ELP2: variants seen among roughly 807,000 people sequenced by gnomAD.
ELP2 encodes the protein elongator complex protein 2.
In ELP2, 90 loss-of-function variants were observed where a neutral mutation model predicts 119.2. The observed-to-expected ratio is 0.75, with a 90% CI of 0.64 to 0.90. The LOEUF is 0.90. ELP2 is among the 40% of genes least tolerant of loss of function. ELP2 has a pLI of 0.00. For missense variants in ELP2, 921 were observed against 967.8 expected (o/e 0.95, Z 0.64); for synonymous variants, 339 against 331.0 (o/e 1.02, Z -0.26).
intron 2 of ELP2, 97 bp from the exon 3 acceptor site, chr18:36,136,210 A>C (rs2089818274): frequency 1.2e-6 from 1 of 848,360 alleles, no homozygotes; most frequent in African/African-American, 1.7e-5. Context: ...ATCTAGGTAG[A>C]GGGTACAGGG....
chr18:36,142,433 T>A, intron 7 of ELP2, 86 bp downstream of exon 7: 1 of 1,142,446 alleles, frequency 8.8e-7, no homozygotes, highest in Non-Finnish European at 1.3e-6. Flanking sequence ...TTTTAATTTT[T>A]AAGTTTTCTT....
chr18:36,175,770 T>G lies in ELP2; in HGVS notation c.*1129T>G, dbSNP rs2091209596. The G allele has an allele frequency of 6.6e-6, 1 of 152,188 alleles. No individual in the cohort carries two copies. Among genetic ancestry groups the G allele is most frequent in the Non-Finnish European group, 1.5e-5 (1 of 68,086 alleles). 9.4% of individuals were successfully genotyped at this position (152,188 alleles called of 1,614,324 possible). A position where few individuals can be genotyped will look rare whatever the true frequency, so the allele number is the denominator to read the frequency against. Reference sequence around the variant, plus strand: ...ACATGGGAAGTATTGTGAAGGCTGGTGTGAGCAGGGGACTACTCCAGCCCT... The same window carrying G: ...ACATGGGAAGTATTGTGAAGGCTGGGGTGAGCAGGGGACTACTCCAGCCCT... On this transcript the variant is annotated 3_prime_UTR_variant, in exon 22 of 22. Transcript: ENST00000358232.
intron 13 of ELP2, among the ~76,000 whole-genome samples, chr18:36,157,568 G>C (rs546305251): frequency 5.9e-5 from 9 of 152,292 alleles, no homozygotes; most frequent in African/African-American, 2.2e-4. Flanking sequence ...TACACAAAGA[G>C]TGATGAAAAG....
chr18:36,138,591 C>A, intron 4 of ELP2, 165 bp downstream of exon 4: 1 of 936,820 alleles, frequency 1.1e-6, no homozygotes, highest in Non-Finnish European at 1.6e-6. Context: ...TTCTCTATAC[C>A]AAGACTTTTT....
At chr18:36,141,042 A>G (rs978217802) in intron 5 of ELP2, 95 bp from the exon 6 acceptor site, 3 of 1,000,380 alleles carry the variant, frequency 3.0e-6, no homozygotes, top group Admixed American at 1.7e-5. Flanking sequence ...TGAAGTCAGG[A>G]TTCTTTACTT....
At chr18:36,168,762 A>G (rs997150599) in intron 19 of ELP2, among the ~76,000 whole-genome samples, 5 of 152,158 alleles carry the variant, frequency 3.3e-5, no homozygotes, top group African/African-American at 9.7e-5. Flanking sequence ...TGCTACTCTC[A>G]GGGATAGGTC....
chr18:36,167,869 G>A (rs2090954898), intron 19 of ELP2, among the ~76,000 whole-genome samples: 1 of 151,934 alleles, frequency 6.6e-6, no homozygotes, highest in South Asian at 2.1e-4. Flanking sequence ...GTAGAGATGG[G>A]GTCTTGCCAT....
intron 3 of ELP2, 74 bp from the exon 4 acceptor site, chr18:36,138,196 C>A: frequency 6.6e-7 from 1 of 1,505,018 alleles, no homozygotes. Flanking sequence ...ATTTTATTGG[C>A]ACATTTATCC....
intron 19 of ELP2, 115 bp downstream of exon 19, chr18:36,167,337 ATG>A: frequency 1.3e-6 from 1 of 760,842 alleles, no homozygotes; most frequent in Non-Finnish European, 2.0e-6. Context: ...AAAATCAGCT[ATG>A]TATTCCTTTC....
Position 36,154,858 on chromosome 18 carries a change from G to C in ELP2, c.1134G>C (p.Trp378Cys), listed in dbSNP as rs1198192783. Residue 378 changes from tryptophan to cysteine, a missense_variant, in exon 12 of 22, where the codon TGG (tryptophan) becomes TGC (cysteine). Transcript: ENST00000358232. ...GAGCACTTCCATTGCAGAGAGAGTG[G>C]ACTCCAGAGATTGTCATTTCAGGAC... ...WKQNTVNPRE[W>C]TPEIVISGHF... is the part of the protein sequence containing the mutation. 1 of 1,613,984 alleles carries C rather than the reference G, an allele frequency of 6.2e-7. No homozygotes were observed. Among genetic ancestry groups the C allele is most frequent in the African/African-American group, 1.3e-5 (1 of 74,914 alleles).
chr18:36,170,290 C>A, intron 20 of ELP2, 94 bp downstream of exon 20: 2 of 1,435,678 alleles, frequency 1.4e-6, no homozygotes, highest in Non-Finnish European at 1.9e-6. Flanking sequence ...CTCCTAGCCT[C>A]TGAGTTACTG....
Position 36,175,482 on chromosome 18 carries a change from A to C in ELP2, c.*841A>C, listed in dbSNP as rs945801417. 1.3e-5 allele frequency: 2 copies of C among 152,172 alleles called. No individual in the cohort carries two copies. The highest frequency in any genetic ancestry group is 3.8e-4 in the East Asian group (2 of 5,200). The allele number at this position is 152,172 out of a possible 1,614,324, so 9.4% of individuals were successfully genotyped here. A position where few individuals can be genotyped will look rare whatever the true frequency, so the allele number is the denominator to read the frequency against. On this transcript the variant is annotated 3_prime_UTR_variant, in exon 22 of 22. Coordinates refer to ENST00000358232, the MANE Select transcript of ELP2 (RefSeq NM_018255.4). ...TCTTTTATTCTTTAAAAGTACATAGATTTGTCTTTTTAGGGCTTTACTGAA... is the reference window on the plus strand; with the variant it reads ...TCTTTTATTCTTTAAAAGTACATAGCTTTGTCTTTTTAGGGCTTTACTGAA...
intron 11 of ELP2, among the ~76,000 whole-genome samples, chr18:36,152,187 AC>A (rs1050869536): frequency 1.3e-5 from 1 of 75,614 alleles, no homozygotes; most frequent in African/African-American, 4.4e-5. Context: ...ACAGAGTGAG[AC>A]CCTATCTCAA....
At chr18:36,140,645 C>T (rs1258846533) in intron 5 of ELP2, among the ~76,000 whole-genome samples, 5 of 152,232 alleles carry the variant, frequency 3.3e-5, no homozygotes, top group Non-Finnish European at 7.3e-5. Context: ...TGAGCCACCA[C>T]ACCCAGCCTT....
At chr18:36,139,504 T>C in intron 5 of ELP2, 1 of 1,535,730 alleles carries the variant, frequency 6.5e-7, no homozygotes, top group South Asian at 1.2e-5. Context: ...GCTGCGACTC[T>C]ATGGTTTCAT....
intron 11 of ELP2, among the ~76,000 whole-genome samples, chr18:36,148,946 G>A (rs2090300075): frequency 6.6e-6 from 1 of 152,192 alleles, no homozygotes; most frequent in Non-Finnish European, 1.5e-5. Context: ...ATGTCTCCCA[G>A]GCTGAGGCCA....
chr18:36,179,755 T>TACC lies in ELP2; in HGVS notation c.*5115_*5117dup, dbSNP rs2091295979. 6.6e-6 allele frequency: 1 copy of TACC among 152,348 alleles called. No homozygotes were observed. The highest frequency in any genetic ancestry group is 2.1e-4 in the South Asian group (1 of 4,834). 9.4% of individuals were successfully genotyped at this position (152,348 alleles called of 1,614,324 possible). Reference sequence around the variant, plus strand: ...TTCCCACTCTCACTTCTGCCCCTGCTACCCTTAGTCTTTGGCTTTTGCTGA... The same window carrying TACC: ...TTCCCACTCTCACTTCTGCCCCTGCTACCACCCTTAGTCTTTGGCTTTTGCTGA... On this transcript the variant is annotated 3_prime_UTR_variant, in exon 22 of 22. Transcript: ENST00000358232.
At chr18:36,131,812 TGTATTCCATCA>T (rs2089641787) in intron 1 of ELP2, among the ~76,000 whole-genome samples, 1 of 152,206 alleles carries the variant, frequency 6.6e-6, no homozygotes, top group South Asian at 2.1e-4. Context: ...TTTGTTTCCA[TGTATTCCATCA>T]GATTTTAAAT....
intron 11 of ELP2, among the ~76,000 whole-genome samples, chr18:36,149,175 T>C (rs1199649928): frequency 6.6e-6 from 1 of 152,230 alleles, no homozygotes; most frequent in Non-Finnish European, 1.5e-5. Context: ...TATTTCTCCT[T>C]CTCTCCATTA....
Sources: gnomAD v4.1 joint callset for allele counts (sites outside exome capture counted in the v4.1 genomes callset) on GRCh38, gnomAD v4.1.1 for gene constraint, MANE v1.5 for transcripts, NCBI Gene and HGNC (gene_info 2026-07-23, HGNC 2026-07-21) for gene names.